The following CEP128 variants were observed in gnomAD, a reference collection of about 807,000 sequenced individuals.
The protein encoded by CEP128 is centrosomal protein 128, also known as centrosomal protein 128kDa.
Under a neutral mutation model 156.7 loss-of-function variants are expected in CEP128, and 132 were observed. The observed-to-expected ratio is 0.84, with a 90% confidence interval of 0.73 to 0.97. The LOEUF (loss-of-function observed/expected upper bound fraction) is 0.97, where lower values mean the gene tolerates loss of function less well. Among genes scored for constraint, CEP128 ranks in the 50% least tolerant of loss-of-function variants. The pLI is 0.00. For synonymous variants in CEP128, 469 were observed against 448.9 expected (o/e 1.04, Z -0.57); for missense variants, 1,252 against 1,281.9 (o/e 0.98, Z 0.36).
At chr14:80,946,548 C>T (rs760197646), upstream of CEP128, among the ~76,000 whole-genome samples, 18 of 152,040 alleles carry the variant, frequency 1.2e-4, no homozygotes, top group East Asian at 9.7e-4. Flanking sequence ...TTGAACCATA[C>T]GAAACATTAA....
intron 19 of CEP128, among the ~76,000 whole-genome samples, chr14:80,592,920 G>C (rs946386150): frequency 6.6e-6 from 1 of 152,166 alleles, no homozygotes; most frequent in Admixed American, 6.5e-5. Context: ...CTCAATAGAT[G>C]CAGAAAAGGA....
At chr14:80,804,154 A>G (rs1884040722) in intron 13 of CEP128, among the ~76,000 whole-genome samples, 1 of 152,118 alleles carries the variant, frequency 6.6e-6, no homozygotes, top group Non-Finnish European at 1.5e-5. Context: ...AAAAGTTTTT[A>G]TAACTTTGAA....
chr14:80,778,114 A>G, intron 15 of CEP128, 68 bp from the exon 16 acceptor site: 1 of 1,310,678 alleles, frequency 7.6e-7, no homozygotes. Context: ...AACACATTAC[A>G]TATTTTATCA....
intron 20 of CEP128, among the ~76,000 whole-genome samples, chr14:80,577,363 T>C (rs1030438828): frequency 1.3e-5 from 2 of 152,176 alleles, no homozygotes; most frequent in African/African-American, 4.8e-5. Context: ...TCCCTTAACA[T>C]TACCACCTGG....
At chr14:80,587,730 T>C (rs1891878690) in intron 19 of CEP128, among the ~76,000 whole-genome samples, 1 of 152,178 alleles carries the variant, frequency 6.6e-6, no homozygotes, top group South Asian at 2.1e-4. Context: ...AACACATCAC[T>C]GTTCTAAATT....
chr14:80,501,888 A>G (rs1365042833), intron 24 of CEP128, among the ~76,000 whole-genome samples: 2 of 151,956 alleles, frequency 1.3e-5, no homozygotes, highest in African/African-American at 4.8e-5. Flanking sequence ...CCTCTCCATA[A>G]GACACGTCCA....
chr14:80,898,236 C>G (rs1889439266), intron 7 of CEP128, among the ~76,000 whole-genome samples: 1 of 152,136 alleles, frequency 6.6e-6, no homozygotes, highest in Non-Finnish European at 1.5e-5. Flanking sequence ...AATGAGAATA[C>G]CAACCTTTCA....
chr14:80,636,520 T>A (rs1460270238), intron 19 of CEP128, among the ~76,000 whole-genome samples: 1 of 152,174 alleles, frequency 6.6e-6, no homozygotes, highest in Non-Finnish European at 1.5e-5. Flanking sequence ...CCCCCTAAAA[T>A]CTGTTCCTCT....
At chr14:80,509,163 G>A (rs1001394495) in intron 23 of CEP128, among the ~76,000 whole-genome samples, 1 of 152,146 alleles carries the variant, frequency 6.6e-6, no homozygotes, top group African/African-American at 2.4e-5. Flanking sequence ...ATACCTAGAA[G>A]TGAGATACCT....
At chr14:80,842,696 T>A (rs989106539) in intron 9 of CEP128, among the ~76,000 whole-genome samples, 1 of 151,850 alleles carries the variant, frequency 6.6e-6, no homozygotes, top group African/African-American at 2.4e-5. Flanking sequence ...TCAAGCAACT[T>A]AGACTTATAT....
At chr14:80,673,699 C>T (rs1470568744) in intron 19 of CEP128, among the ~76,000 whole-genome samples, 1 of 144,754 alleles carries the variant, frequency 6.9e-6, no homozygotes, top group Non-Finnish European at 1.5e-5. Flanking sequence ...ATCTCACATT[C>T]GGAAACGTAA....
At chr14:80,692,338 A>G (rs951856280) in intron 19 of CEP128, among the ~76,000 whole-genome samples, 7 of 152,180 alleles carry the variant, frequency 4.6e-5, no homozygotes, top group African/African-American at 1.2e-4. Context: ...GGTCATCTCT[A>G]TATTAGCTTA....
At chr14:80,493,030 A>G (rs371005410), downstream of CEP128, among the ~76,000 whole-genome samples, 11 of 152,294 alleles carry the variant, frequency 7.2e-5, no homozygotes, top group South Asian at 2.3e-3. Context: ...TATACAGCTA[A>G]GATGACACAG....
At chr14:80,802,631 C>G (rs371226785) in intron 13 of CEP128, among the ~76,000 whole-genome samples, 7 of 151,824 alleles carry the variant, frequency 4.6e-5, no homozygotes, top group East Asian at 3.9e-4. Context: ...TAACAAACCT[C>G]CATGTTCTGC....
chr14:80,770,050 C>A (rs539284834), intron 16 of CEP128, among the ~76,000 whole-genome samples: 3 of 152,256 alleles, frequency 2.0e-5, no homozygotes, highest in African/African-American at 7.2e-5. Context: ...TAAATGAAAT[C>A]AAGCTAATAG....
chr14:80,607,380 T>C (rs1296343856), intron 19 of CEP128, among the ~76,000 whole-genome samples: 1 of 152,096 alleles, frequency 6.6e-6, no homozygotes, highest in Non-Finnish European at 1.5e-5. Context: ...TTAGTAAGAA[T>C]AATTCAAAAG....
intron 8 of CEP128, among the ~76,000 whole-genome samples, chr14:80,880,905 A>ATTATT (rs1566689674): frequency 6.9e-5 from 7 of 101,690 alleles, no homozygotes; most frequent in South Asian, 6.3e-4. Flanking sequence ...TAATAATAAT[A>ATTATT]ATAATTTCAG....
intron 19 of CEP128, among the ~76,000 whole-genome samples, chr14:80,639,660 C>T (rs1011776394): frequency 6.6e-6 from 1 of 152,118 alleles, no homozygotes; most frequent in Non-Finnish European, 1.5e-5. Context: ...AAATCATATT[C>T]TTAGTTTGTA....
chr14:80,894,556 A>C (rs1889255541), intron 8 of CEP128: 2 of 440,216 alleles, frequency 4.5e-6, no homozygotes, highest in East Asian at 1.3e-4. Flanking sequence ...ATGCAAAAAA[A>C]AAATATATCT....
Sources: gnomAD v4.1 joint callset for allele counts (sites outside exome capture counted in the v4.1 genomes callset) on GRCh38, gnomAD v4.1.1 for gene constraint, MANE v1.5 for transcripts, NCBI Gene and HGNC (gene_info 2026-07-23, HGNC 2026-07-21) for gene names.